Variants in TBC1D5 observed in about 807,000 individuals in gnomAD.
The protein encoded by TBC1D5 is TBC1 domain family member 5.
A neutral mutation model predicts 100.3 loss-of-function variants in TBC1D5; 75 were observed. That is an observed-to-expected ratio of 0.75 (90% confidence interval 0.62 to 0.91). The LOEUF (loss-of-function observed/expected upper bound fraction) is 0.91. Ranked by LOEUF, TBC1D5 falls within the 40% of genes least tolerant of loss-of-function variation. TBC1D5 has a pLI of 0.00. For missense variants in TBC1D5, 910 were observed against 942.4 expected (o/e 0.97, Z 0.45); for synonymous variants, 323 against 325.6 (o/e 0.99, Z 0.09).
intron 3 of TBC1D5, among the ~76,000 whole-genome samples, chr3:17,443,975 C>A (rs1038593427): frequency 1.3e-5 from 2 of 149,564 alleles, no homozygotes; most frequent in Non-Finnish European, 2.9e-5. Context: ...TTTTCAAAAA[C>A]ATTATCAAAA....
chr3:17,474,188 CTTTTA>C (rs1203723002), intron 3 of TBC1D5, among the ~76,000 whole-genome samples: 1 of 152,118 alleles, frequency 6.6e-6, no homozygotes, highest in Admixed American at 6.6e-5. Context: ...AAAACTGATA[CTTTTA>C]TATAATTTAC....
At chr3:17,631,351 T>G (rs1481763463) in intron 1 of TBC1D5, among the ~76,000 whole-genome samples, 1 of 152,114 alleles carries the variant, frequency 6.6e-6, no homozygotes, top group Non-Finnish European at 1.5e-5. Flanking sequence ...AGACATTGAT[T>G]CCTACGGTTG....
intron 1 of TBC1D5, among the ~76,000 whole-genome samples, chr3:17,637,431 T>C (rs977851332): frequency 6.6e-6 from 1 of 151,706 alleles, no homozygotes; most frequent in Non-Finnish European, 1.5e-5. Context: ...CAAATATGAC[T>C]ATGCAAAAAT....
intron 2 of TBC1D5, among the ~76,000 whole-genome samples, chr3:17,535,685 G>A (rs2096274912): frequency 6.6e-6 from 1 of 152,036 alleles, no homozygotes; most frequent in South Asian, 2.1e-4. Context: ...TAAGTTAACA[G>A]AGTATAAAAT....
At chr3:17,234,506 C>T (rs914313968) in intron 17 of TBC1D5, among the ~76,000 whole-genome samples, 2 of 151,422 alleles carry the variant, frequency 1.3e-5, no homozygotes, top group African/African-American at 2.4e-5. Context: ...CATGAAGAAC[C>T]TGAGGTGCAC....
At chr3:17,383,642 G>A (rs1229966016) in intron 9 of TBC1D5, among the ~76,000 whole-genome samples, 1 of 151,914 alleles carries the variant, frequency 6.6e-6, no homozygotes, top group Non-Finnish European at 1.5e-5. Flanking sequence ...CTTCAAAGAT[G>A]CTGTTTATAA....
At chr3:17,697,641 G>A (rs546192659) in intron 1 of TBC1D5, among the ~76,000 whole-genome samples, 3 of 152,260 alleles carry the variant, frequency 2.0e-5, no homozygotes, top group South Asian at 4.1e-4. Context: ...CCACGCTCAC[G>A]GATAGGAAGA....
chr3:17,676,372 G>A (rs1452210034), intron 1 of TBC1D5, among the ~76,000 whole-genome samples: 1 of 152,042 alleles, frequency 6.6e-6, no homozygotes, highest in African/African-American at 2.4e-5. Flanking sequence ...CAAACAGAGG[G>A]CCAAATCACG....
intron 1 of TBC1D5, among the ~76,000 whole-genome samples, chr3:17,672,829 C>T (rs1479282617): frequency 6.6e-6 from 1 of 152,110 alleles, no homozygotes; most frequent in Non-Finnish European, 1.5e-5. Context: ...TTGATGGCAG[C>T]TTGTCCGTGT....
At chr3:17,345,588 A>C (rs10049143) in intron 13 of TBC1D5, among the ~76,000 whole-genome samples, 58,968 of 149,324 alleles carry the variant, frequency 0.39, 11,991 homozygotes, top group Middle Eastern at 0.49. Context: ...CCAAAGGACT[A>C]TAAATCATGC....
chr3:17,380,391 C>T (rs993277279), intron 9 of TBC1D5, among the ~76,000 whole-genome samples: 4 of 151,536 alleles, frequency 2.6e-5, no homozygotes, highest in African/African-American at 9.7e-5. Flanking sequence ...GTTTTGCTAT[C>T]AATTCTAGAC....
At chr3:17,739,786 C>T (rs931070252) in exon 1 of TBC1D5, 3 of 152,104 alleles carry the variant, frequency 2.0e-5, no homozygotes, top group African/African-American at 7.2e-5. Context: ...AGGCGGATTA[C>T]TTGAGGTCAG....
rs535863871 is a variant in TBC1D5, at chr3:17,289,707, T to C, written c.1245+2188A>G. Reference sequence around the variant, plus strand: ...CACAGGTCATCAGAGACAATTTAATTCAACCTCCAAATATTACAAAAGAGA... The same window carrying C: ...CACAGGTCATCAGAGACAATTTAATCCAACCTCCAAATATTACAAAAGAGA... On this transcript the variant is annotated intron_variant, in intron 15 of 21. Transcript: ENST00000253692. 2.0e-5 allele frequency among the ~76,000 whole-genome samples: 3 copies of C among 151,676 alleles called. No homozygotes were observed. The East Asian group carries it at 5.8e-4, about 29-fold the overall frequency.
At position 17,223,930 on chromosome 3, in the gene TBC1D5, C is replaced by CAAAACA. The variant is rs1420544904; in HGVS notation, c.1589-9561_1589-9560insTGTTTT. ...CAAAACAAAACAAAACAAAACAAAA[C>CAAAACA]AAACAAACAAAGAAAAAAAGACTAT... On this transcript the variant is annotated intron_variant, in intron 17 of 21. Coordinates refer to ENST00000253692, the Ensembl canonical transcript of TBC1D5. Among the ~76,000 whole-genome samples, 4 of 147,648 alleles carry CAAAACA rather than the reference C, an allele frequency of 2.7e-5. No homozygotes were observed. The East Asian group carries it at 6.2e-4, about 23-fold the overall frequency.
chr3:17,255,629 T>A (rs1021789550), intron 16 of TBC1D5, among the ~76,000 whole-genome samples: 1 of 152,266 alleles, frequency 6.6e-6, no homozygotes, highest in African/African-American at 2.4e-5. Flanking sequence ...ATTTTTTACA[T>A]ATCTACTTTA....
intron 18 of TBC1D5, among the ~76,000 whole-genome samples, chr3:17,194,183 A>G (rs1486810109): frequency 6.6e-6 from 1 of 152,178 alleles, no homozygotes; most frequent in African/African-American, 2.4e-5. Context: ...CTAACCTTCT[A>G]TTAATATTTA....
intron 16 of TBC1D5, among the ~76,000 whole-genome samples, chr3:17,249,296 C>A (rs778981840): frequency 6.6e-6 from 1 of 152,228 alleles, no homozygotes; most frequent in Non-Finnish European, 1.5e-5. Flanking sequence ...CAGCTTCTGA[C>A]GTGCCTTCCT....
intron 3 of TBC1D5, among the ~76,000 whole-genome samples, chr3:17,447,156 T>A (rs1214436425): frequency 6.6e-6 from 1 of 152,164 alleles, no homozygotes; most frequent in African/African-American, 2.4e-5. Flanking sequence ...TCAAAAGATA[T>A]TCATTCAAGT....
chr3:17,443,436 T>C (rs779704194), intron 3 of TBC1D5, among the ~76,000 whole-genome samples: 1 of 152,226 alleles, frequency 6.6e-6, no homozygotes, highest in Non-Finnish European at 1.5e-5. Context: ...TAATCAATGT[T>C]ATTTCTATCA....
Sources: allele counts gnomAD v4.1 joint callset (sites outside exome capture counted in the v4.1 genomes callset), GRCh38; gene constraint gnomAD v4.1.1; transcripts MANE v1.5; gene names NCBI Gene and HGNC (gene_info 2026-07-23, HGNC 2026-07-21).